The following ANK2 variants were observed in gnomAD, a reference collection of about 807,000 sequenced individuals.
ANK2 encodes ankyrin-2.
A neutral mutation model predicts 360.5 loss-of-function variants in ANK2; 83 were observed. The observed-to-expected ratio is 0.23, with a 90% confidence interval of 0.19 to 0.28. ANK2 has a LOEUF of 0.28. Ranked by LOEUF, ANK2 falls within the 10% of genes least tolerant of loss-of-function variation. ANK2 has a pLI of 1.00. For missense variants in ANK2, 4,201 were observed against 4,795.7 expected (o/e 0.88, Z 3.66); for synonymous variants, 1,740 against 1,759.5 (o/e 0.99, Z 0.28).
At chr4:112,817,130 A>T (rs2055724462), upstream of ANK2, among the ~76,000 whole-genome samples, 1 of 152,186 alleles carries the variant, frequency 6.6e-6, no homozygotes, top group African/African-American at 2.4e-5. Context: ...ATAAAGTCTT[A>T]TTGATTTTGA....
At chr4:112,836,350 A>C (rs2149741958) in intron 1 of ANK2, among the ~76,000 whole-genome samples, 1 of 152,294 alleles carries the variant, frequency 6.6e-6, no homozygotes, top group East Asian at 1.9e-4. Context: ...TAAATTACCC[A>C]GTCTCAGGTA....
At chr4:113,321,421 A>G (rs548609894) in intron 26 of ANK2, among the ~76,000 whole-genome samples, 4 of 152,272 alleles carry the variant, frequency 2.6e-5, no homozygotes, top group African/African-American at 7.2e-5. Flanking sequence ...TGTTATTTTT[A>G]TTCAGGCAAA....
rs562338582 is a variant in ANK2, at chr4:112,826,658, T to TA, written c.-40+8395dup. The stretch of plus-strand genomic sequence containing the variant: ...GCAGTGAAAAACGGGTGACCACACT[T>TA]ACACATTCCTCAGCATTGACCATTC... On this transcript the variant is annotated intron_variant, in intron 1 of 30. Coordinates refer to the ANK2 transcript ENST00000503271. 3.0e-6 allele frequency: 3 copies of TA among 995,752 alleles called. 1 individual carries two copies. The East Asian group carries it at 7.1e-5, about 24-fold the overall frequency. The allele number at this position is 995,752 out of a possible 1,614,324, so 61.7% of individuals were successfully genotyped here. A position where few individuals can be genotyped will look rare whatever the true frequency, so the allele number is the denominator to read the frequency against.
chr4:112,829,979 T>TA (rs1414129262), intron 1 of ANK2, among the ~76,000 whole-genome samples: 3 of 146,298 alleles, frequency 2.1e-5, no homozygotes, highest in African/African-American at 7.5e-5. Context: ...AAATAAAAAA[T>TA]AAAAAAAAAG....
intron 1 of ANK2, among the ~76,000 whole-genome samples, chr4:112,875,483 C>CATTTATTTATTTATTTATTT (rs71582152): frequency 1.8e-4 from 27 of 148,686 alleles, no homozygotes; most frequent in African/African-American, 2.5e-4. Context: ...AGGCTAATTA[C>CATTTATTTATTTATTTATTT]ATTTATTTAT....
chr4:112,733,207 C>G, the ANK2 span, among the ~76,000 whole-genome samples: 2 of 152,054 alleles, frequency 1.3e-5, no homozygotes, highest in East Asian at 3.9e-4. Context: ...CAAAACAAGA[C>G]GCTGCCTCAA....
chr4:112,857,045 C>T (rs190269047), intron 1 of ANK2, among the ~76,000 whole-genome samples: 1,545 of 144,922 alleles, frequency 0.011, 16 homozygotes, highest in Non-Finnish European at 0.018. Context: ...GATCAGATAT[C>T]AAGAGTGGGG....
rs1427053634 is a variant in ANK2, at chr4:113,365,127, C to T, written c.10977C>T (p.Arg3659=). 6.2e-7 allele frequency: 1 copy of T among 1,613,900 alleles called. No individual in the cohort carries two copies. The highest frequency in any genetic ancestry group is 8.5e-7 in the Non-Finnish European group (1 of 1,179,954). Residue 3659 remains arginine, a synonymous_variant, in exon 41 of 46, where the codon CGC becomes CGT. Transcript: ENST00000357077. ...METNTEPLQE[R]ISHSYAEIEQ... ...CCAACACAGAACCTCTCCAGGAGCG[C>T]ATCAGTCATAGTTATGCAGAAATTG...
chr4:113,314,512 T>A (rs763413772), intron 24 of ANK2, among the ~76,000 whole-genome samples: 23 of 152,200 alleles, frequency 1.5e-4, no homozygotes, highest in Non-Finnish European at 2.9e-4. Context: ...AACTTTACAC[T>A]TCTATGGCTA....
At chr4:112,814,457 G>GT (rs754349352), upstream of ANK2, among the ~76,000 whole-genome samples, 1 of 151,392 alleles carries the variant, frequency 6.6e-6, no homozygotes, top group Non-Finnish European at 1.5e-5. Flanking sequence ...TTGTTTGTTT[G>GT]TTTTTTTGAG....
chr4:112,960,957 A>G (rs976575464), intron 2 of ANK2, among the ~76,000 whole-genome samples: 4 of 152,152 alleles, frequency 2.6e-5, no homozygotes, highest in Admixed American at 2.6e-4. Flanking sequence ...TCAGACTTGT[A>G]AGGTATTTAC....
chr4:112,810,049 T>C, the ANK2 span, among the ~76,000 whole-genome samples: 1 of 149,948 alleles, frequency 6.7e-6, no homozygotes, highest in Admixed American at 6.7e-5. Flanking sequence ...TTTAAAGCAT[T>C]TGGAGGTAAA....
At chr4:113,008,109 C>CT (rs57567947) in intron 2 of ANK2, among the ~76,000 whole-genome samples, 84,684 of 143,974 alleles carry the variant, frequency 0.59, 25,301 homozygotes, top group Non-Finnish European at 0.69. Context: ...TAAGCTTTTC[C>CT]TTTTTTTTTT....
Position 113,278,050 on chromosome 4 carries a change from A to G in ANK2, c.1782+115A>G, listed in dbSNP as rs948475026. On this transcript the variant is annotated intron_variant, in intron 16 of 45. Coordinates refer to ENST00000357077, the MANE Select transcript of ANK2 (RefSeq NM_001148.6). ...GAATGTGAGAGCAACTGATGAAACT[A>G]TCCCAAATAGACATGGTGGCGATGT... 9.0e-6 allele frequency: 9 copies of G among 1,000,760 alleles called. No individual in the cohort carries two copies. The South Asian group carries it at 1.2e-4, about 14-fold the overall frequency. The allele number at this position is 1,000,760 out of a possible 1,614,324, so 62.0% of individuals were successfully genotyped here. A position where few individuals can be genotyped will look rare whatever the true frequency, so the allele number is the denominator to read the frequency against.
At chr4:113,344,067 A>T (rs531713498) in intron 34 of ANK2, among the ~76,000 whole-genome samples, 1 of 152,142 alleles carries the variant, frequency 6.6e-6, no homozygotes, top group African/African-American at 2.4e-5. Context: ...TTCTGGTTCA[A>T]TTGTTTTGCC....
At chr4:113,186,587 T>TCTCTC (rs370477795) in intron 2 of ANK2, among the ~76,000 whole-genome samples, 955 of 46,846 alleles carry the variant, frequency 0.02, 51 homozygotes, top group African/African-American at 0.042. Flanking sequence ...TCTCTCTCTC[T>TCTCTC]TCTCTCTCTC....
intron 2 of ANK2, among the ~76,000 whole-genome samples, chr4:112,987,529 T>TA (rs1277937429): frequency 6.6e-6 from 1 of 152,108 alleles, no homozygotes; most frequent in Non-Finnish European, 1.5e-5. Flanking sequence ...AATGCTGGAC[T>TA]AATTGCTTGT....
At chr4:112,900,053 A>G (rs558038588) in intron 1 of ANK2, among the ~76,000 whole-genome samples, 46 of 152,308 alleles carry the variant, frequency 3.0e-4, no homozygotes, top group African/African-American at 1.1e-3. Context: ...TATGGACCAA[A>G]GTAAGGAGAA....
chr4:113,352,916 C>A, intron 37 of ANK2, 129 bp from the exon 38 acceptor site: 1 of 1,000,168 alleles, frequency 1.0e-6, no homozygotes, highest in Non-Finnish European at 1.5e-6. Context: ...CCATTCCCAG[C>A]CCATTTTGTT....
Sources: allele counts gnomAD v4.1 joint callset (sites outside exome capture counted in the v4.1 genomes callset), GRCh38; gene constraint gnomAD v4.1.1; transcripts MANE v1.5; gene names NCBI Gene and HGNC (gene_info 2026-07-23, HGNC 2026-07-21).